PAX3: variants seen among roughly 807,000 people sequenced by gnomAD.
The protein encoded by PAX3 is paired box protein Pax-3.
PAX3 carries 14 observed loss-of-function variants against 51.6 expected under a neutral mutation model. The observed-to-expected ratio is 0.27, with a 90% CI of 0.18 to 0.42. PAX3 has a LOEUF of 0.42. PAX3 is among the 10% of genes least tolerant of loss of function. The pLI is 1.00. For synonymous variants in PAX3, 280 were observed against 253.4 expected (o/e 1.11, Z -1.00); for missense variants, 540 against 642.8 (o/e 0.84, Z 1.73).
Position 222,221,315 on chromosome 2 carries a change from G to A in PAX3, c.865C>T (p.Leu289Phe). 1 of 1,614,116 alleles carries A rather than the reference G, an allele frequency of 6.2e-7. No individual in the cohort carries two copies. The highest frequency in any genetic ancestry group is 1.1e-5 in the South Asian group (1 of 91,086). ...GTGGGAGGGAACCCCCCGGGAATGA[G>A]ATGGTTGAAAGCCATCAGTTGATTG... is the stretch of plus-strand genomic sequence containing the variant. ...GANQLMAFNH[L>F]IPGGFPPTAM... The change falls in exon 6 of 9, where the codon CTC becomes TTC. Residue 289 changes from leucine (L) to phenylalanine (F), a missense_variant. By Grantham distance (22) the Leu-to-Phe change is conservative. Around this residue, in one of 3 missense-constraint regions of PAX3, gnomAD observed 427 missense variants for 483.6 expected, o/e 0.88. Coordinates refer to ENST00000392070, the MANE Select transcript of PAX3 (RefSeq NM_181458.4).
At chr2:222,213,523 C>T (rs572345530) in intron 7 of PAX3, among the ~76,000 whole-genome samples, 1 of 152,218 alleles carries the variant, frequency 6.6e-6, no homozygotes, top group South Asian at 2.1e-4. Flanking sequence ...CTTCTGAAGC[C>T]CTGGCAATCA....
intron 5 of PAX3, chr2:222,221,828 C>G: frequency 5.1e-6 from 1 of 194,314 alleles, no homozygotes; most frequent in Non-Finnish European, 1.1e-5. Context: ...TCTTATTAGT[C>G]TGTCTCTGTA....
At position 222,220,134 on chromosome 2, in the gene PAX3, A is replaced by G; in HGVS notation, c.1173+6T>C. The G allele has an allele frequency of 6.2e-7, 1 of 1,612,276 alleles. No homozygotes were observed. Among genetic ancestry groups the G allele is most frequent in the Non-Finnish European group, 8.5e-7 (1 of 1,178,708 alleles). ...CAAATCGTCTGTCTAGAAACACGGG[A>G]CTGACCTGAGGTGAGAGGCCATTGC... is the stretch of plus-strand genomic sequence containing the variant. On this transcript the variant is annotated splice_donor_region_variant and intron_variant, in intron 7 of 8. Coordinates refer to ENST00000392070, the MANE Select transcript of PAX3 (RefSeq NM_181458.4).
intron 4 of PAX3, among the ~76,000 whole-genome samples, chr2:222,243,137 A>G (rs1693083345): frequency 6.6e-6 from 1 of 152,228 alleles, no homozygotes; most frequent in African/African-American, 2.4e-5. Context: ...GATTAGCATG[A>G]CACGAGATGT....
At chr2:222,286,015 G>T (rs2106182974) in intron 4 of PAX3, among the ~76,000 whole-genome samples, 1 of 152,312 alleles carries the variant, frequency 6.6e-6, no homozygotes, top group South Asian at 2.1e-4. Flanking sequence ...TCGGCTCACT[G>T]CAACCTCCGT....
intron 7 of PAX3, among the ~76,000 whole-genome samples, chr2:222,205,359 A>C (rs2106040895): frequency 6.6e-6 from 1 of 152,254 alleles, no homozygotes; most frequent in Non-Finnish European, 1.5e-5. Context: ...ACAGAAAGCT[A>C]GTGAGGGCAT....
intron 4 of PAX3, among the ~76,000 whole-genome samples, chr2:222,255,641 G>C (rs1693609734): frequency 6.6e-6 from 1 of 152,166 alleles, no homozygotes; most frequent in Non-Finnish European, 1.5e-5. Context: ...CTTGATGTTA[G>C]GAAAGTACTG....
intron 4 of PAX3, among the ~76,000 whole-genome samples, chr2:222,265,283 C>G (rs1049746609): frequency 6.6e-6 from 1 of 152,170 alleles, no homozygotes; most frequent in Non-Finnish European, 1.5e-5. Context: ...CTCCTGTTAC[C>G]CTTACTTTAA....
At chr2:222,255,139 CTG>C (rs1238216509) in intron 4 of PAX3, among the ~76,000 whole-genome samples, 1 of 152,146 alleles carries the variant, frequency 6.6e-6, no homozygotes, top group Non-Finnish European at 1.5e-5. Flanking sequence ...TTAATACAAA[CTG>C]AGATTTTGTT....
chr2:222,277,932 CAAA>C lies in PAX3; in HGVS notation c.586+16232_586+16234del, dbSNP rs745911501. Reference sequence around the variant, plus strand: ...CTGGCAACAGAGCGAGACTCCATCTCAAAAAAAAAAAAAAAAAATTGAGTTTTT... The same window carrying C: ...CTGGCAACAGAGCGAGACTCCATCTCAAAAAAAAAAAAAAATTGAGTTTTT... On this transcript the variant is annotated intron_variant, in intron 4 of 8. Coordinates refer to ENST00000392070, the MANE Select transcript of PAX3 (RefSeq NM_181458.4). Among the ~76,000 whole-genome samples, 9 of 90,582 alleles carry C rather than the reference CAAA, an allele frequency of 9.9e-5. No individual in the cohort carries two copies. In the South Asian group the frequency reaches 2.3e-3, roughly 23 times the overall value. 59.4% of individuals were successfully genotyped at this position (90,582 alleles called of 152,430 possible).
rs2106031189 is a variant in PAX3, at chr2:222,200,510, A to G, written c.*898T>C. The G allele has an allele frequency of 4.3e-6, 1 of 230,858 alleles. No homozygotes were observed. Among genetic ancestry groups the G allele is most frequent in the East Asian group, 6.2e-5 (1 of 16,138 alleles). 14.3% of individuals were successfully genotyped at this position (230,858 alleles called of 1,614,324 possible). A position where few individuals can be genotyped will look rare whatever the true frequency, so the allele number is the denominator to read the frequency against. On this transcript the variant is annotated 3_prime_UTR_variant, in exon 9 of 9. Transcript: ENST00000392070. ...AAAATAAAAGCACCTGCAAAAATAT[A>G]CTTCTGATTTTGCTTATATCGCCTT... is the stretch of plus-strand genomic sequence containing the variant.
chr2:222,213,201 C>T (rs1299646635), intron 7 of PAX3, among the ~76,000 whole-genome samples: 4 of 152,158 alleles, frequency 2.6e-5, no homozygotes. Flanking sequence ...AGGTCGTTGT[C>T]TCTTTCACAA....
chr2:222,283,883 C>T (rs1022861930), intron 4 of PAX3, among the ~76,000 whole-genome samples: 1 of 152,248 alleles, frequency 6.6e-6, no homozygotes, highest in African/African-American at 2.4e-5. Flanking sequence ...GCTGCACTGC[C>T]AAGCTGCGCC....
Position 222,291,619 on chromosome 2 carries a change from A to G in PAX3, c.586+2548T>C, listed in dbSNP as rs1413384816. ...AAGATTCCCCTGAAAAGCCAGGCTC[A>G]GCAGCACCCACCAGACCCACTAACT... On this transcript the variant is annotated intron_variant, in intron 4 of 8. Transcript: ENST00000392070. 2.6e-5 allele frequency among the ~76,000 whole-genome samples: 4 copies of G among 152,314 alleles called. No homozygotes were observed. The East Asian group carries it at 5.8e-4, about 22-fold the overall frequency.
intron 4 of PAX3, chr2:222,287,583 AT>A (rs1162614597): frequency 1.3e-5 from 2 of 152,266 alleles, no homozygotes; most frequent in African/African-American, 4.8e-5. Flanking sequence ...CAAAATATAC[AT>A]TTGAAATATA....
chr2:222,209,307 C>T (rs1691629368), intron 7 of PAX3, among the ~76,000 whole-genome samples: 1 of 152,162 alleles, frequency 6.6e-6, no homozygotes, highest in Non-Finnish European at 1.5e-5. Context: ...CTGAAGACTA[C>T]AGAAAAGACG....
intron 8 of PAX3, 99 bp from the exon 9 acceptor site, chr2:222,201,541 G>T: frequency 1.4e-6 from 2 of 1,479,894 alleles, no homozygotes; most frequent in Non-Finnish European, 9.4e-7. Flanking sequence ...TTAATACCGT[G>T]CTATCAAAGG....
Position 222,200,566 on chromosome 2 carries a change from A to G in PAX3, c.*842T>C, listed in dbSNP as rs1379589582. The G allele has an allele frequency of 8.5e-6, 2 of 234,968 alleles. No individual in the cohort carries two copies. Among genetic ancestry groups the G allele is most frequent in the East Asian group, 6.1e-5 (1 of 16,286 alleles). 14.6% of individuals were successfully genotyped at this position (234,968 alleles called of 1,614,324 possible). ...TTGCCAAAGCATCCATGAGGTACACAGTATTGCACACTGATAAGCAGATAT... is the reference window on the plus strand; with the variant it reads ...TTGCCAAAGCATCCATGAGGTACACGGTATTGCACACTGATAAGCAGATAT... On this transcript the variant is annotated 3_prime_UTR_variant, in exon 9 of 9. Coordinates refer to ENST00000392070, the MANE Select transcript of PAX3 (RefSeq NM_181458.4).
rs1692454125 is a variant in PAX3, at chr2:222,228,168, C to A, written c.792+3910G>T. Among the ~76,000 whole-genome samples, 7 of 152,270 alleles carry A rather than the reference C, an allele frequency of 4.6e-5. No individual in the cohort carries two copies. In the South Asian group the frequency reaches 1.5e-3, roughly 32 times the overall value. On this transcript the variant is annotated intron_variant, in intron 5 of 8. Coordinates refer to ENST00000392070, the MANE Select transcript of PAX3 (RefSeq NM_181458.4). ...TTTCCTGCTGGGTTAAGTAAAAGATCCATATGCTGGGTGTTCTAGGGAATT... is the reference window on the plus strand; with the variant it reads ...TTTCCTGCTGGGTTAAGTAAAAGATACATATGCTGGGTGTTCTAGGGAATT...
Sources: allele counts gnomAD v4.1 joint callset (sites outside exome capture counted in the v4.1 genomes callset), GRCh38; gene constraint gnomAD v4.1.1; regional missense constraint gnomAD v4.1.1; transcripts MANE v1.5; gene names NCBI Gene and HGNC (gene_info 2026-07-23, HGNC 2026-07-21).